The following CABLES1 variants were observed in gnomAD, a reference collection of about 807,000 sequenced individuals.
CABLES1 encodes the protein Cdk5 and Abl enzyme substrate 1, also known as CDK5 and ABL1 enzyme substrate 1.
Under a neutral mutation model 57.8 loss-of-function variants are expected in CABLES1, and 36 were observed. That is an observed-to-expected ratio of 0.62 (90% CI 0.48 to 0.82). CABLES1 has a LOEUF of 0.82. Ranked by LOEUF, CABLES1 falls within the 40% of genes least tolerant of loss-of-function variation. The probability of loss-of-function intolerance (pLI) is 0.00; values close to 1 mark genes in which losing one functional copy is unlikely to be tolerated. For synonymous variants in CABLES1, 374 were observed against 363.0 expected, an observed-to-expected ratio of 1.03 and a Z score of -0.35; for missense variants, 767 against 836.6, an observed-to-expected ratio of 0.92 and a Z score of 1.03.
chr18:23,153,479 A>G (rs1241809093), intron 1 of CABLES1, among the ~76,000 whole-genome samples: 1 of 152,026 alleles, frequency 6.6e-6, no homozygotes, highest in Non-Finnish European at 1.5e-5. Context: ...CATGCCTGTA[A>G]TCCCGGCACT....
intron 2 of CABLES1, among the ~76,000 whole-genome samples, chr18:23,191,099 AAATT>A (rs1357502291): frequency 5.9e-5 from 9 of 151,732 alleles, no homozygotes; most frequent in Non-Finnish European, 1.2e-4. Flanking sequence ...AAAAAAAAAA[AAATT>A]AACCAGGCAC....
chr18:23,200,634 G>T (rs925668331), intron 3 of CABLES1, among the ~76,000 whole-genome samples: 2 of 152,208 alleles, frequency 1.3e-5, no homozygotes, highest in Non-Finnish European at 2.9e-5. Flanking sequence ...AGAACAGACG[G>T]TTTGTGTGGA....
intron 1 of CABLES1, among the ~76,000 whole-genome samples, chr18:23,175,907 A>G (rs2047119753): frequency 6.6e-6 from 1 of 152,224 alleles, no homozygotes; most frequent in Non-Finnish European, 1.5e-5. Flanking sequence ...TTTGTCCTCA[A>G]GATACCTGCT....
chr18:23,198,343 G>T (rs2047299661), intron 3 of CABLES1, among the ~76,000 whole-genome samples: 1 of 152,176 alleles, frequency 6.6e-6, no homozygotes, highest in Non-Finnish European at 1.5e-5. Context: ...GAGTAGAGAT[G>T]CCTTTTAAAT....
intron 4 of CABLES1, among the ~76,000 whole-genome samples, chr18:23,219,557 T>G (rs2047470784): frequency 6.6e-6 from 1 of 152,194 alleles, no homozygotes; most frequent in Admixed American, 6.5e-5. Context: ...GATGCCTTAT[T>G]CAAGCTGGAG....
intron 3 of CABLES1, among the ~76,000 whole-genome samples, chr18:23,203,555 C>T (rs1357838197): frequency 6.6e-6 from 1 of 152,052 alleles, no homozygotes; most frequent in African/African-American, 2.4e-5. Context: ...TGAAGTCAAG[C>T]TGGAGCCTTT....
intron 3 of CABLES1, among the ~76,000 whole-genome samples, chr18:23,211,750 G>A (rs936747901): frequency 1.3e-5 from 2 of 152,214 alleles, no homozygotes; most frequent in East Asian, 1.9e-4. Context: ...CCAACTCGAC[G>A]TGCCTCATCA....
At chr18:23,183,095 C>A (rs61480056) in intron 1 of CABLES1, among the ~76,000 whole-genome samples, 2 of 152,290 alleles carry the variant, frequency 1.3e-5, no homozygotes, top group South Asian at 4.1e-4. Context: ...GGGCCTGCGT[C>A]CCCTCATCAG....
chr18:23,192,210 C>T (rs773674654), intron 2 of CABLES1, among the ~76,000 whole-genome samples: 4 of 152,150 alleles, frequency 2.6e-5, no homozygotes, highest in African/African-American at 7.2e-5. Context: ...GGAGTTAAGC[C>T]GTCTCTACTA....
chr18:23,206,064 A>G (rs1467824869), intron 3 of CABLES1, among the ~76,000 whole-genome samples: 1 of 152,088 alleles, frequency 6.6e-6, no homozygotes, highest in Non-Finnish European at 1.5e-5. Context: ...AAGACAATAC[A>G]TTTCTGTGGT....
chr18:23,203,252 G>A (rs956465661), intron 3 of CABLES1, among the ~76,000 whole-genome samples: 3 of 152,150 alleles, frequency 2.0e-5, no homozygotes, highest in Non-Finnish European at 2.9e-5. Context: ...ATGGCTTCAT[G>A]TGCCCTGGAA....
intron 1 of CABLES1, among the ~76,000 whole-genome samples, chr18:23,169,197 A>C (rs1380414245): frequency 6.6e-6 from 1 of 152,228 alleles, no homozygotes; most frequent in Non-Finnish European, 1.5e-5. Flanking sequence ...GGGAGGCATG[A>C]ATAATCCACC....
chr18:23,156,292 A>T (rs79306228), intron 1 of CABLES1, among the ~76,000 whole-genome samples: 1 of 152,136 alleles, frequency 6.6e-6, no homozygotes, highest in African/African-American at 2.4e-5. Context: ...TGAGCTCCAT[A>T]GACCTTGGAT....
At chr18:23,247,652 G>A (rs539174654) in intron 7 of CABLES1, among the ~76,000 whole-genome samples, 9 of 152,248 alleles carry the variant, frequency 5.9e-5, no homozygotes, top group East Asian at 1.9e-4. Flanking sequence ...GCACTGGGCC[G>A]CCGGGCACCA....
chr18:23,240,114 T>C (rs1384319976), intron 7 of CABLES1, among the ~76,000 whole-genome samples: 2 of 152,016 alleles, frequency 1.3e-5, no homozygotes, highest in African/African-American at 4.8e-5. Context: ...CAAGACCCTG[T>C]CTCAACAAAA....
chr18:23,236,165 C>T, intron 6 of CABLES1, 114 bp downstream of exon 6: 1 of 1,172,234 alleles, frequency 8.5e-7, no homozygotes, highest in Non-Finnish European at 1.2e-6. Context: ...TCGCAGGTGA[C>T]ATGACTTTTA....
In CABLES1 at chr18:23,179,420, G is replaced by T. The variant is rs554398052; in HGVS notation, c.846-9418G>T. 3.9e-5 allele frequency among the ~76,000 whole-genome samples: 6 copies of T among 152,308 alleles called. No homozygotes were observed. In the South Asian group the frequency reaches 1.2e-3, roughly 32 times the overall value. Reference sequence around the variant, plus strand: ...GTGACTCCCCCACCCCAGGGATTTTGAATTCCTTTGGTCTGTATTCTGGAT... The same window carrying T: ...GTGACTCCCCCACCCCAGGGATTTTTAATTCCTTTGGTCTGTATTCTGGAT... On this transcript the variant is annotated intron_variant, in intron 1 of 9. Coordinates refer to ENST00000256925, the MANE Select transcript of CABLES1 (RefSeq NM_001100619.3).
intron 4 of CABLES1, chr18:23,227,110 G>T (rs1019344549): frequency 2.0e-5 from 3 of 152,020 alleles, no homozygotes; most frequent in Non-Finnish European, 4.4e-5. Context: ...TTTGGCATTG[G>T]GGGCATTCAG....
chr18:23,253,085 G>T lies in CABLES1; in HGVS notation c.1553+19G>T, dbSNP rs760912374. 1.4e-6 allele frequency: 2 copies of T among 1,423,998 alleles called. No homozygotes were observed. Among genetic ancestry groups the T allele is most frequent in the South Asian group, 2.3e-5 (2 of 87,198 alleles). The allele number at this position is 1,423,998 out of a possible 1,614,324, so 88.2% of individuals were successfully genotyped here. A position where few individuals can be genotyped will look rare whatever the true frequency, so the allele number is the denominator to read the frequency against. On this transcript the variant is annotated intron_variant, in intron 8 of 9. Coordinates refer to ENST00000256925, the MANE Select transcript of CABLES1 (RefSeq NM_001100619.3). ...TTAGGAGGTACGGGAGGCTGGACTT[G>T]CCTGTGACCTTTCCCTGCAAACCCC...
Sources: gnomAD v4.1 joint callset for allele counts (sites outside exome capture counted in the v4.1 genomes callset) on GRCh38, gnomAD v4.1.1 for gene constraint, MANE v1.5 for transcripts, NCBI Gene and HGNC (gene_info 2026-07-23, HGNC 2026-07-21) for gene names.